Variants in LRIG1 observed in about 807,000 individuals in gnomAD.
LRIG1 encodes leucine-rich repeats and immunoglobulin-like domains protein 1.
In LRIG1, 48 loss-of-function variants were observed where a neutral mutation model predicts 99.2. The observed-to-expected ratio is 0.48, with a 90% CI of 0.38 to 0.62. LRIG1 has a LOEUF of 0.62. Ranked by LOEUF, LRIG1 falls within the 20% of genes least tolerant of loss-of-function variation. The pLI is 0.00. For synonymous variants in LRIG1, 772 were observed against 596.1 expected (o/e 1.29, Z -4.30); for missense variants, 1,646 against 1,434.4 (o/e 1.15, Z -2.38).
chr3:66,425,580 G>A (rs1371209120), intron 3 of LRIG1, among the ~76,000 whole-genome samples: 6 of 152,186 alleles, frequency 3.9e-5, no homozygotes, highest in East Asian at 1.9e-4. Flanking sequence ...AAAAAAGGGT[G>A]AGGATGGTGC....
At chr3:66,435,263 A>G (rs913176807) in intron 3 of LRIG1, among the ~76,000 whole-genome samples, 6 of 152,164 alleles carry the variant, frequency 3.9e-5, no homozygotes, top group African/African-American at 1.4e-4. Flanking sequence ...ACACATTAGA[A>G]GTCAACCAGG....
intron 12 of LRIG1, chr3:66,387,068 C>T (rs1163051620): frequency 1.4e-5 from 2 of 147,548 alleles, no homozygotes; most frequent in Non-Finnish European, 3.0e-5. Context: ...ATTGATTTGC[C>T]CTGATCTAGT....
rs770391505 is a variant in LRIG1, at chr3:66,500,239, G to T, written c.169C>A (p.Arg57Ser). The T allele has an allele frequency of 2.4e-5, 37 of 1,510,850 alleles. No homozygotes were observed. The East Asian group carries it at 9.4e-4, about 38-fold the overall frequency. 93.6% of individuals were successfully genotyped at this position (1,510,850 alleles called of 1,614,324 possible). A position where few individuals can be genotyped will look rare whatever the true frequency, so the allele number is the denominator to read the frequency against. The change falls in exon 1 of 19, where the codon CGC becomes AGC. Residue 57 changes from arginine to serine, a missense_variant. By Grantham distance (110) the Arg-to-Ser change is moderately radical (BLOSUM62 -1). Transcript: ENST00000273261. ...TCCCCGGGCAACGCAGCCAGCCCGCGCCCACCGCAGTCCAGCGAGTCCCCA... is the reference window on the plus strand; with the variant it reads ...TCCCCGGGCAACGCAGCCAGCCCGCTCCCACCGCAGTCCAGCGAGTCCCCA... ...CAGDSLDCGG[R>S]GLAALPGDLP...
At chr3:66,447,200 T>C (rs537187620) in intron 3 of LRIG1, among the ~76,000 whole-genome samples, 1 of 152,268 alleles carries the variant, frequency 6.6e-6, no homozygotes, top group African/African-American at 2.4e-5. Flanking sequence ...CCCTCAAGCA[T>C]TTATCCTTTG....
At chr3:66,488,775 C>T (rs1701033726) in intron 1 of LRIG1, among the ~76,000 whole-genome samples, 1 of 152,202 alleles carries the variant, frequency 6.6e-6, no homozygotes, top group South Asian at 2.1e-4. Context: ...TGAGTAGCTG[C>T]CCTTCCTGTG....
intron 3 of LRIG1, among the ~76,000 whole-genome samples, chr3:66,441,974 C>T (rs1033619668): frequency 6.6e-6 from 1 of 152,140 alleles, no homozygotes; most frequent in Non-Finnish European, 1.5e-5. Context: ...TAAGACAGGT[C>T]CCGGGAAGTC....
chr3:66,404,169 G>A (rs1400522012), intron 9 of LRIG1: 3 of 1,063,582 alleles, frequency 2.8e-6, no homozygotes, highest in East Asian at 5.9e-5. Flanking sequence ...GTATATAAAA[G>A]GTGCAAAAAG....
intron 9 of LRIG1, 52 bp downstream of exon 9, chr3:66,405,146 C>T: frequency 6.6e-7 from 1 of 1,524,638 alleles, no homozygotes; most frequent in Admixed American, 1.7e-5. Context: ...CATCTCCCAC[C>T]CAAGTGTGTC....
intron 2 of LRIG1, among the ~76,000 whole-genome samples, chr3:66,457,232 T>C (rs970692947): frequency 6.6e-6 from 1 of 152,220 alleles, no homozygotes; most frequent in African/African-American, 2.4e-5. Context: ...TTTGAAGCAG[T>C]AGCATGTCAG....
intron 12 of LRIG1, among the ~76,000 whole-genome samples, chr3:66,392,353 T>C (rs776806912): frequency 6.6e-6 from 1 of 152,202 alleles, no homozygotes; most frequent in African/African-American, 2.4e-5. Context: ...GATGTTGAAC[T>C]GAGGAACTGC....
Position 66,380,688 on chromosome 3 carries a change from T to G in LRIG1, c.2944A>C (p.Arg982=). 6.2e-7 allele frequency: 1 copy of G among 1,614,220 alleles called. No homozygotes were observed. Among genetic ancestry groups the G allele is most frequent in the Non-Finnish European group, 8.5e-7 (1 of 1,180,032 alleles). ...TCGGGGCAGGACCCAGCGGCAGTCC[T>G]GCTGCACTGGTGATGTGGAGAATGC... ...QEHSPHHQCS[R]TAAGSCPECQ... is the part of the protein sequence containing the mutation. The change falls in exon 18 of 19, where the codon AGG becomes CGG. Residue 982 remains arginine, a synonymous_variant. Transcript: ENST00000273261.
At chr3:66,460,554 G>C (rs1449944507) in intron 2 of LRIG1, among the ~76,000 whole-genome samples, 1 of 152,186 alleles carries the variant, frequency 6.6e-6, no homozygotes, top group Non-Finnish European at 1.5e-5. Context: ...GACACACACA[G>C]AGACACCATG....
chr3:66,428,800 A>C (rs1318187318), intron 3 of LRIG1, among the ~76,000 whole-genome samples: 1 of 152,254 alleles, frequency 6.6e-6, no homozygotes, highest in African/African-American at 2.4e-5. Context: ...CTCGTAAGAA[A>C]CAGCCCAGCC....
chr3:66,500,412 T>C lies in LRIG1; in HGVS notation c.-5A>G. On this transcript the variant is annotated 5_prime_UTR_variant, in exon 1 of 19. Transcript: ENST00000273261. ...TCCCCGGACCGGCCGCGCCATCTTG[T>C]CTGGAGCGCGCTGCGAACTCCGGGC... 7.2e-7 allele frequency: 1 copy of C among 1,383,666 alleles called. No homozygotes were observed. The highest frequency in any genetic ancestry group is 9.3e-7 in the Non-Finnish European group (1 of 1,076,390). 85.7% of individuals were successfully genotyped at this position (1,383,666 alleles called of 1,614,324 possible). A position where few individuals can be genotyped will look rare whatever the true frequency, so the allele number is the denominator to read the frequency against.
chr3:66,469,425 A>G (rs1262560199), intron 1 of LRIG1, among the ~76,000 whole-genome samples: 3 of 152,214 alleles, frequency 2.0e-5, no homozygotes, highest in Non-Finnish European at 4.4e-5. Flanking sequence ...ACAGCTATAT[A>G]TGGACCCAGA....
At chr3:66,446,483 G>C (rs895343102) in intron 3 of LRIG1, among the ~76,000 whole-genome samples, 16 of 143,432 alleles carry the variant, frequency 1.1e-4, no homozygotes, top group Non-Finnish European at 1.8e-4. Flanking sequence ...TTAGCTCACT[G>C]CAACCTCCGC....
rs747425513 is a variant in LRIG1, at chr3:66,462,468, C to A, written c.260G>T (p.Gly87Val). 2.5e-6 allele frequency: 4 copies of A among 1,612,782 alleles called. No homozygotes were observed. The highest frequency in any genetic ancestry group is 3.4e-6 in the Non-Finnish European group (4 of 1,179,506). ...YNKLSEIDPAGFEDLPNLQEV... is the reference protein window; with the variant it reads ...YNKLSEIDPAVFEDLPNLQEV... ...CTGTAGGTTCGGCAAGTCCTCAAAACCAGCAGGGTCAATCTCAGAGAGTTT... is the reference window on the plus strand; with the variant it reads ...CTGTAGGTTCGGCAAGTCCTCAAAAACAGCAGGGTCAATCTCAGAGAGTTT... Residue 87 changes from glycine (G) to valine (V), a missense_variant, in exon 2 of 19, where the codon GGT (glycine) becomes GTT (valine). Coordinates refer to ENST00000273261, the MANE Select transcript of LRIG1 (RefSeq NM_015541.3).
intron 3 of LRIG1, among the ~76,000 whole-genome samples, chr3:66,442,004 A>G (rs774005052): frequency 3.3e-5 from 5 of 152,222 alleles, no homozygotes; most frequent in Non-Finnish European, 7.3e-5. Flanking sequence ...ACGCCTGCCA[A>G]TATCAGTGTA....
intron 1 of LRIG1, among the ~76,000 whole-genome samples, chr3:66,476,439 A>T (rs944114910): frequency 1.3e-5 from 2 of 152,188 alleles, no homozygotes; most frequent in African/African-American, 4.8e-5. Context: ...AAAAGAAATA[A>T]GTAGTCCATT....
Sources: gnomAD v4.1 joint callset for allele counts (sites outside exome capture counted in the v4.1 genomes callset) on GRCh38, gnomAD v4.1.1 for gene constraint, MANE v1.5 for transcripts, NCBI Gene and HGNC (gene_info 2026-07-23, HGNC 2026-07-21) for gene names.